Variants in ZNF668 observed in about 807,000 individuals in gnomAD.
The protein encoded by ZNF668 is zinc finger protein 668.
A neutral mutation model predicts 40.3 loss-of-function variants in ZNF668; 10 were observed. The ratio of observed to expected loss-of-function variants is 0.25; its 90% confidence interval spans 0.15 to 0.42. ZNF668 has a LOEUF of 0.42. Among genes scored for constraint, ZNF668 ranks in the 10% least tolerant of loss-of-function variants. The pLI is 1.00. For synonymous variants in ZNF668, 428 were observed against 384.6 expected, an observed-to-expected ratio of 1.11 and a Z score of -1.32; for missense variants, 749 against 904.6, an observed-to-expected ratio of 0.83 and a Z score of 2.21.
intron 1 of ZNF668, among the ~76,000 whole-genome samples, chr16:31,070,216 C>T (rs1044184726): frequency 1.3e-5 from 2 of 151,480 alleles, no homozygotes; most frequent in South Asian, 4.2e-4. Flanking sequence ...CCGCGCCCGG[C>T]CCTTTTTTTG....
chr16:31,064,821 T>C lies in ZNF668; in HGVS notation c.-22-340A>G. Reference sequence around the variant, plus strand: ...TCACCATCTTCCTTCTTCAGCTCAGTGTCCAAGAACTATGCCAGGATAAAG... The same window carrying C: ...TCACCATCTTCCTTCTTCAGCTCAGCGTCCAAGAACTATGCCAGGATAAAG... On this transcript the variant is annotated intron_variant, in intron 1 of 2. Coordinates refer to ENST00000300849, the MANE Select transcript of ZNF668 (RefSeq NM_024706.5). 2.7e-6 allele frequency: 4 copies of C among 1,456,912 alleles called. No individual in the cohort carries two copies. The African/African-American group carries it at 4.3e-5, about 15-fold the overall frequency. 90.2% of individuals were successfully genotyped at this position (1,456,912 alleles called of 1,614,324 possible).
intron 2 of ZNF668, among the ~76,000 whole-genome samples, chr16:31,063,592 T>C (rs985409973): frequency 5.3e-5 from 8 of 152,168 alleles, no homozygotes; most frequent in African/African-American, 1.9e-4. Flanking sequence ...GAGGCCAATC[T>C]GACCCAATCC....
At position 31,061,009 on chromosome 16, in the gene ZNF668, AC is replaced by A; in HGVS notation, c.*58del. ...AGAGCAGAGCCAGGCAAAAGGAGGTACAGGAAGCCCCCGATGGGGGCTGGGC... is the reference window on the plus strand; with the variant it reads ...AGAGCAGAGCCAGGCAAAAGGAGGTAAGGAAGCCCCCGATGGGGGCTGGGC... On this transcript the variant is annotated 3_prime_UTR_variant, in exon 3 of 3. Transcript: ENST00000300849. This position sits in a 1 kb window ranked among gnomAD's most constrained non-coding sequence, Gnocchi z 7.7. 3.5e-6 allele frequency: 5 copies of A among 1,420,804 alleles called. No individual in the cohort carries two copies. The South Asian group carries it at 9.0e-5, about 26-fold the overall frequency. 88.0% of individuals were successfully genotyped at this position (1,420,804 alleles called of 1,614,324 possible).
intron 2 of ZNF668, among the ~76,000 whole-genome samples, chr16:31,063,195 T>C (rs2056948976): frequency 6.6e-6 from 1 of 152,180 alleles, no homozygotes; most frequent in Admixed American, 6.5e-5. Flanking sequence ...TGCAGTGGCC[T>C]GACCATAGCT....
At chr16:31,063,767 T>C (rs1367510874) in intron 2 of ZNF668, 46 bp downstream of exon 2, 5 of 1,482,200 alleles carry the variant, frequency 3.4e-6, no homozygotes, top group African/African-American at 1.4e-5. Context: ...GCAGCAACGC[T>C]GTCGCCCTGC....
chr16:31,063,845 A>G lies in ZNF668; in HGVS notation c.615T>C (p.Tyr205=), dbSNP rs372006959. ...PYSCERCGKA[Y]AELKDLRNHE... is the part of the protein sequence containing the mutation. ...GGTTGCGGAGGTCCTTGAGCTCCGC[A>G]TAGGCTTTGCCGCAACGCTCACAGC... Residue 205 remains tyrosine (Y), a synonymous_variant, in exon 2 of 3, where the codon TAT becomes TAC. Transcript: ENST00000300849. 55 of 1,590,870 alleles carry G rather than the reference A, an allele frequency of 3.5e-5. No individual in the cohort carries two copies. The highest frequency in any genetic ancestry group is 4.2e-5 in the Non-Finnish European group (49 of 1,166,426).
chr16:31,063,137 C>G (rs910906654), intron 2 of ZNF668, among the ~76,000 whole-genome samples: 1 of 151,944 alleles, frequency 6.6e-6, no homozygotes, highest in African/African-American at 2.4e-5. Flanking sequence ...AAACAGAAAA[C>G]CAAGATACGT....
At chr16:31,062,502 C>T (rs1010955166) in intron 2 of ZNF668, 74 of 598,188 alleles carry the variant, frequency 1.2e-4, no homozygotes, top group African/African-American at 1.2e-3. Flanking sequence ...AGATATGGGC[C>T]GGGCGCGGTG....
In ZNF668 at chr16:31,064,400, G is replaced by T; in HGVS notation, c.60C>A (p.Arg20=). The T allele has an allele frequency of 1.2e-6, 2 of 1,613,428 alleles. No homozygotes were observed. Residue 20 remains arginine (R), a synonymous_variant, in exon 2 of 3, where the codon CGC becomes CGA. Transcript: ENST00000300849. ...TGGTACAGGACAGGCACTTGTAGCG[G>T]CGGCCCGAGCGCTTGTAGCCGGGGG... ...SPAPGYKRSG[R]RYKCLSCTKT... is the part of the protein sequence containing the mutation.
intron 1 of ZNF668, among the ~76,000 whole-genome samples, chr16:31,068,210 A>C: frequency 9.2e-6 from 1 of 108,950 alleles, no homozygotes; most frequent in African/African-American, 3.3e-5. Flanking sequence ...TCTGTCTAAC[A>C]TCCCACCATT....
rs925091404 is a variant in ZNF668, at chr16:31,064,676, C to T, written c.-22-195G>A. On this transcript the variant is annotated intron_variant, in intron 1 of 2. Transcript: ENST00000300849. ...GAAGAAAGGAGTTGGACCAAGTGTC[C>T]GCAGAGCCACTAAGAAAGGAGGCTG... is the stretch of plus-strand genomic sequence containing the variant. 3 of 1,535,922 alleles carry T rather than the reference C, an allele frequency of 2.0e-6. No individual in the cohort carries two copies. The African/African-American group carries it at 4.1e-5, about 21-fold the overall frequency.
Position 31,061,560 on chromosome 16 carries a change from T to C in ZNF668, c.1368A>G (p.Pro456=). Residue 456 remains proline, a synonymous_variant, in exon 3 of 3, where the codon CCA becomes CCG. Transcript: ENST00000300849. This position sits in a 1 kb window ranked among gnomAD's most constrained non-coding sequence, Gnocchi z 7.7. ...CCGGGGGCAGCCCTAGCAGCCCTGC[T>C]GGAGGGTCCCCCAGCCCCGCCCCTG... ...PAAGAGLGDP[P]AGLLGLPPES... is the part of the protein sequence containing the mutation. 5 of 1,609,594 alleles carry C rather than the reference T, an allele frequency of 3.1e-6. No homozygotes were observed. Among genetic ancestry groups the C allele is most frequent in the Non-Finnish European group, 4.2e-6 (5 of 1,179,802 alleles).
In ZNF668 at chr16:31,064,028, G is replaced by T. The variant is rs866939441; in HGVS notation, c.432C>A (p.His144Gln). The change falls in exon 2 of 3, where the codon CAC becomes CAA. Residue 144 changes from histidine to glutamine, a missense_variant. Physicochemically the swap from His to Gln is conservative, Grantham distance 24 (BLOSUM62 0). This residue lies in a region of ZNF668 where 151 missense variants were observed against 178.6 expected (regional missense o/e 0.85). Transcript: ENST00000300849. The part of the protein sequence containing the change: ...HAGELPFRCA[H>Q]CPKAYGALSK... ...AGAGCGCGCCATAGGCCTTCGGGCA[G>T]TGCGCACAGCGGAAGGGCAGTTCGC... 2 of 1,605,592 alleles carry T rather than the reference G, an allele frequency of 1.2e-6. No homozygotes were observed. Among genetic ancestry groups the T allele is most frequent in the South Asian group, 1.1e-5 (1 of 90,842 alleles).
chr16:31,064,885 G>T, intron 1 of ZNF668: 13 of 1,417,674 alleles, frequency 9.2e-6, no homozygotes, highest in Non-Finnish European at 1.2e-5. Context: ...AGGTCTCCAA[G>T]CGCCCAGAAA....
chr16:31,071,337 T>C (rs2057014764), intron 1 of ZNF668, among the ~76,000 whole-genome samples: 1 of 151,986 alleles, frequency 6.6e-6, no homozygotes, highest in Admixed American at 6.6e-5. Context: ...TGGCAAACTT[T>C]TGTATTTTTA....
In ZNF668 at chr16:31,072,716, G is replaced by A. The variant is rs2057024617; in HGVS notation, c.-23+943C>T. The A allele has an allele frequency of 3.3e-5, 5 of 152,460 alleles. No individual in the cohort carries two copies. The South Asian group carries it at 8.3e-4, about 25-fold the overall frequency. The allele number at this position is 152,460 out of a possible 1,614,324, so 9.4% of individuals were successfully genotyped here. On this transcript the variant is annotated intron_variant, in intron 1 of 2. Transcript: ENST00000300849. Reference sequence around the variant, plus strand: ...ATATCCTAGGCCTCCTACCGGGCCAGTTCACAACCTGATCCCAACCTACTT... The same window carrying A: ...ATATCCTAGGCCTCCTACCGGGCCAATTCACAACCTGATCCCAACCTACTT...
chr16:31,068,239 A>AAAAAAAAATATAT (rs1473353128), intron 1 of ZNF668, among the ~76,000 whole-genome samples: 31 of 82,966 alleles, frequency 3.7e-4, no homozygotes, highest in Admixed American at 5.3e-4. Flanking sequence ...AAAAAAAAAA[A>AAAAAAAAATATAT]ATATATATAT....
Position 31,061,946 on chromosome 16 carries a change from G to T in ZNF668, c.982C>A (p.Arg328Ser), listed in dbSNP as rs1174582364. The T allele has an allele frequency of 1.2e-6, 2 of 1,613,618 alleles. No individual in the cohort carries two copies. ...AACGGCCGGTCGCCTGTGTGCACACGCCGGTGCATGGCCAGGTCCGCCGGC... is the reference window on the plus strand; with the variant it reads ...AACGGCCGGTCGCCTGTGTGCACACTCCGGTGCATGGCCAGGTCCGCCGGC... ...RQPADLAMHRRVHTGDRPFKC... is the reference protein window; with the variant it reads ...RQPADLAMHRSVHTGDRPFKC... Residue 328 changes from arginine (R) to serine (S), a missense_variant, in exon 3 of 3, where the codon CGT (arginine) becomes AGT (serine). By Grantham distance (110) the Arg-to-Ser change is moderately radical (BLOSUM62 -1). Transcript: ENST00000300849. This position sits in a 1 kb window ranked among gnomAD's most constrained non-coding sequence, Gnocchi z 7.7.
Position 31,064,106 on chromosome 16 carries a change from G to T in ZNF668, c.354C>A (p.Gly118=). ...GGCACACGGGCTGCATGAAGCGGCGGCCGCACTCGGGGCACGGAAAGGGCT... is the reference window on the plus strand; with the variant it reads ...GGCACACGGGCTGCATGAAGCGGCGTCCGCACTCGGGGCACGGAAAGGGCT... ...GEKPFPCPEC[G]RRFMQPVCLR... Residue 118 remains glycine, a synonymous_variant, in exon 2 of 3, where the codon GGC becomes GGA. Coordinates refer to ENST00000300849, the MANE Select transcript of ZNF668 (RefSeq NM_024706.5). The T allele has an allele frequency of 6.2e-7, 1 of 1,605,408 alleles. No homozygotes were observed. Among genetic ancestry groups the T allele is most frequent in the Non-Finnish European group, 8.5e-7 (1 of 1,177,436 alleles).
Sources: allele counts gnomAD v4.1 joint callset (sites outside exome capture counted in the v4.1 genomes callset), GRCh38; gene constraint gnomAD v4.1.1; regional missense constraint gnomAD v4.1.1; non-coding constraint Gnocchi (gnomAD v3.1); transcripts MANE v1.5; gene names NCBI Gene and HGNC (gene_info 2026-07-23, HGNC 2026-07-21).